IFT20: variants seen among roughly 807,000 people sequenced by gnomAD.
The protein encoded by IFT20 is intraflagellar transport protein 20 homolog.
Under a neutral mutation model 16.9 loss-of-function variants are expected in IFT20, and 4 were observed. The ratio of observed to expected loss-of-function variants is 0.24; its 90% CI spans 0.12 to 0.54. The LOEUF is 0.54. Ranked by LOEUF, IFT20 falls within the 20% of genes least tolerant of loss-of-function variation. IFT20 has a pLI of 0.95. For missense variants in IFT20, 154 were observed against 149.7 expected (o/e 1.03, Z -0.15); for synonymous variants, 48 against 49.9 (o/e 0.96, Z 0.16).
At chr17:28,330,567 TATC>T in intron 2 of IFT20, 39 bp from the exon 3 acceptor site, 2 of 1,326,836 alleles carry the variant, frequency 1.5e-6, no homozygotes, top group Admixed American at 1.7e-5. Flanking sequence ...ATTTCCTTAG[TATC>T]ATCACTCCCC....
chr17:28,330,591 T>G, intron 2 of IFT20, 63 bp from the exon 3 acceptor site: 1 of 1,140,866 alleles, frequency 8.8e-7, no homozygotes, highest in Admixed American at 1.7e-5. Context: ...TTCGGTAGAG[T>G]GCTAAGGCAG....
intron 2 of IFT20, 147 bp downstream of exon 2, chr17:28,331,712 G>A: frequency 1.0e-6 from 1 of 954,448 alleles, no homozygotes. Context: ...AGGGCAGACA[G>A]AAAAGGGTGG....
intron 1 of IFT20, among the ~76,000 whole-genome samples, chr17:28,333,268 T>C (rs1185383777): frequency 6.6e-6 from 1 of 152,206 alleles, no homozygotes; most frequent in Non-Finnish European, 1.5e-5. Flanking sequence ...GCCCCCAGCC[T>C]CAGCTGTTTC....
rs1460517145 is a variant in IFT20 at position 28,334,247 on chromosome 17, C to T, written c.-3+1093G>A. Among the ~76,000 whole-genome samples, 3 of 152,170 alleles carry T rather than the reference C, an allele frequency of 2.0e-5. No individual in the cohort carries two copies. In the East Asian group the frequency reaches 5.8e-4, roughly 29 times the overall value. Reference sequence around the variant, plus strand: ...GGGCGGACTTGGAGGGGAGGGCCAACAGAGGCCTTCTGAAAAAAATGACAC... The same window carrying T: ...GGGCGGACTTGGAGGGGAGGGCCAATAGAGGCCTTCTGAAAAAAATGACAC... On this transcript the variant is annotated intron_variant, in intron 1 of 4. Transcript: ENST00000395418.
At chr17:28,334,391 G>A (rs1555577043) in intron 1 of IFT20, among the ~76,000 whole-genome samples, 4 of 152,258 alleles carry the variant, frequency 2.6e-5, no homozygotes, top group African/African-American at 9.6e-5. Flanking sequence ...GATGCATTCC[G>A]AGAACAGAGA....
intron 1 of IFT20, chr17:28,332,847 A>G (rs541958568): frequency 6.6e-6 from 1 of 152,556 alleles, no homozygotes; most frequent in South Asian, 2.1e-4. Flanking sequence ...GAAAGGACCT[A>G]TCTCACCTAA....
At chr17:28,332,664 G>A (rs1274837907) in intron 1 of IFT20, 1 of 156,822 alleles carries the variant, frequency 6.4e-6, no homozygotes, top group African/African-American at 2.4e-5. Context: ...TCAGGAGTAA[G>A]AATATTACTC....
intron 1 of IFT20, among the ~76,000 whole-genome samples, chr17:28,334,439 G>C (rs572133365): frequency 2.0e-5 from 3 of 152,260 alleles, no homozygotes; most frequent in African/African-American, 7.2e-5. Flanking sequence ...GCTAGACAGG[G>C]AGACAACAGC....
intron 3 of IFT20, chr17:28,330,235 CAAAA>C (rs34843464): frequency 2.7e-4 from 143 of 526,272 alleles, no homozygotes; most frequent in South Asian, 6.3e-4. Context: ...GACTCTGTCT[CAAAA>C]AAAAAAAAAA....
Position 28,328,581 on chromosome 17 carries a change from A to G in IFT20, c.*71T>C. On this transcript the variant is annotated 3_prime_UTR_variant, in exon 5 of 5. Coordinates refer to ENST00000395418, the MANE Select transcript of IFT20 (RefSeq NM_001267776.2). Reference sequence around the variant, plus strand: ...TCATTGGTCAAGCCGCTGGAATGCTACAGAGGTTTTTTTGGTTTTGAGAGG... The same window carrying G: ...TCATTGGTCAAGCCGCTGGAATGCTGCAGAGGTTTTTTTGGTTTTGAGAGG... The G allele has an allele frequency of 1.1e-6, 1 of 935,904 alleles. No homozygotes were observed. Among genetic ancestry groups the G allele is most frequent in the South Asian group, 1.5e-5 (1 of 67,408 alleles). The allele number at this position is 935,904 out of a possible 1,614,324, so 58.0% of individuals were successfully genotyped here.
At position 28,328,738 on chromosome 17, in the gene IFT20, A is replaced by G; in HGVS notation, c.318-5T>C. On this transcript the variant is annotated splice_region_variant and splice_polypyrimidine_tract_variant and intron_variant, in intron 4 of 4. Transcript: ENST00000395418. ...GCTTCATATTCAACCCGATACCTGA[A>G]AAACAAAATTGTTAGAGGCCCTGAA... is the stretch of plus-strand genomic sequence containing the variant. 1 of 1,569,212 alleles carries G rather than the reference A, an allele frequency of 6.4e-7. No homozygotes were observed. Among genetic ancestry groups the G allele is most frequent in the Non-Finnish European group, 8.7e-7 (1 of 1,149,422 alleles).
At position 28,329,315 on chromosome 17, in the gene IFT20, C is replaced by T. The variant is rs782343914; in HGVS notation, c.214-39G>A. The stretch of plus-strand genomic sequence containing the variant: ...AGAGAAGGCCATGGCTTCATTAAAA[C>T]CATCTACAGCATCAAGTCCTCAAAG... On this transcript the variant is annotated intron_variant, in intron 3 of 4. Transcript: ENST00000395418. 12 of 1,500,054 alleles carry T rather than the reference C, an allele frequency of 8.0e-6. No individual in the cohort carries two copies. In the Admixed American group the frequency reaches 1.7e-4, roughly 21 times the overall value. The allele number at this position is 1,500,054 out of a possible 1,614,324, so 92.9% of individuals were successfully genotyped here.
chr17:28,334,043 C>A (rs1433864576), intron 1 of IFT20, among the ~76,000 whole-genome samples: 3 of 152,214 alleles, frequency 2.0e-5, no homozygotes, highest in Non-Finnish European at 4.4e-5. Flanking sequence ...AACTTCCACC[C>A]CCTTCCCTGA....
chr17:28,333,072 A>AAAACACACAC (rs1555576831), intron 1 of IFT20, among the ~76,000 whole-genome samples: 4 of 144,580 alleles, frequency 2.8e-5, no homozygotes, highest in Non-Finnish European at 6.0e-5. Flanking sequence ...TCTGGCTCAA[A>AAAACACACAC]ACACACACAC....
intron 1 of IFT20, chr17:28,332,413 A>G: frequency 2.0e-6 from 1 of 508,802 alleles, no homozygotes; most frequent in Non-Finnish European, 3.6e-6. Flanking sequence ...AAACTGAAAA[A>G]CCACACTGCG....
intron 1 of IFT20, among the ~76,000 whole-genome samples, chr17:28,333,634 C>A (rs1906934652): frequency 6.6e-6 from 1 of 152,152 alleles, no homozygotes; most frequent in South Asian, 2.1e-4. Flanking sequence ...TAAAATAGGG[C>A]TTTTTAAAAA....
In IFT20 at chr17:28,331,635, A is replaced by ACCCTC. The variant is rs1475026462; in HGVS notation, c.127+219_127+223dup. ...AATGAAAGATGGCATATCTAAAGAC[A>ACCCTC]CCCTCCCCTCCCCATCCCGGTGTTT... On this transcript the variant is annotated intron_variant, in intron 2 of 4. Transcript: ENST00000395418. 5.6e-6 allele frequency: 3 copies of ACCCTC among 532,510 alleles called. No homozygotes were observed. In the African/African-American group the frequency reaches 5.7e-5, roughly 10 times the overall value. The allele number at this position is 532,510 out of a possible 1,614,324, so 33.0% of individuals were successfully genotyped here. A position where few individuals can be genotyped will look rare whatever the true frequency, so the allele number is the denominator to read the frequency against.
intron 2 of IFT20, among the ~76,000 whole-genome samples, chr17:28,331,086 T>C (rs1187254716): frequency 6.6e-6 from 1 of 152,148 alleles, no homozygotes; most frequent in African/African-American, 2.4e-5. Flanking sequence ...GACACCAGAT[T>C]TCAATTAACA....
chr17:28,332,900 C>G (rs1226848115), intron 1 of IFT20, among the ~76,000 whole-genome samples: 1 of 152,032 alleles, frequency 6.6e-6, no homozygotes, highest in African/African-American at 2.4e-5. Flanking sequence ...TGAGCTGGAG[C>G]CAGACCAGGA....
Sources: gnomAD v4.1 joint callset for allele counts (sites outside exome capture counted in the v4.1 genomes callset) on GRCh38, gnomAD v4.1.1 for gene constraint, MANE v1.5 for transcripts, NCBI Gene and HGNC (gene_info 2026-07-23, HGNC 2026-07-21) for gene names.